TMEM161B: variants seen among roughly 807,000 people sequenced by gnomAD.
TMEM161B encodes transmembrane protein 161B.
A neutral mutation model predicts 61.8 loss-of-function variants in TMEM161B; 34 were observed. The ratio of observed to expected loss-of-function variants is 0.55; its 90% CI spans 0.42 to 0.73. TMEM161B has a LOEUF of 0.73. Among genes scored for constraint, TMEM161B ranks in the 30% least tolerant of loss-of-function variants. TMEM161B has a pLI of 0.00. For missense variants in TMEM161B, 456 were observed against 558.5 expected, an observed-to-expected ratio of 0.82 and a Z score of 1.85; for synonymous variants, 167 against 192.8, an observed-to-expected ratio of 0.87 and a Z score of 1.11.
At chr5:88,264,322 C>T (rs1756072817) in intron 1 of TMEM161B, among the ~76,000 whole-genome samples, 1 of 151,976 alleles carries the variant, frequency 6.6e-6, no homozygotes, top group Non-Finnish European at 1.5e-5. Flanking sequence ...GGCCAACAAA[C>T]ATGAAAAAAA....
downstream of TMEM161B, among the ~76,000 whole-genome samples, chr5:88,188,122 G>C (rs1017030556): frequency 2.0e-5 from 3 of 150,650 alleles, no homozygotes; most frequent in Non-Finnish European, 4.4e-5. Flanking sequence ...TTTTTTTTTG[G>C]AGACATGGTT....
chr5:88,217,658 A>C (rs192034944), intron 5 of TMEM161B, among the ~76,000 whole-genome samples: 1 of 152,200 alleles, frequency 6.6e-6, no homozygotes, highest in Non-Finnish European at 1.5e-5. Context: ...AACCAGTTCA[A>C]TCTGCCCACA....
chr5:88,208,439 G>A (rs1322912027), intron 5 of TMEM161B, among the ~76,000 whole-genome samples: 9 of 149,870 alleles, frequency 6.0e-5, no homozygotes, highest in Non-Finnish European at 1.0e-4. Flanking sequence ...CTGAGATCGC[G>A]CCACTGCACT....
At position 88,197,753 on chromosome 5, in the gene TMEM161B, AG is replaced by A; in HGVS notation, c.1101del (p.Tyr369IlefsTer15). 6.2e-7 allele frequency: 1 copy of A among 1,612,410 alleles called. No individual in the cohort carries two copies. The highest frequency in any genetic ancestry group is 2.2e-5 in the East Asian group (1 of 44,802). On this transcript the variant is annotated frameshift_variant, in exon 11 of 12. Transcript: ENST00000296595. LOFTEE classifies it high-confidence loss of function. ...AGTGCAATGACACAAAGATAATAAA[AG>A]ACTCGAGCCACCTGCAACCAACAAC... ...TVELQKMVAR[V>X]FYYLCVIALQ...
chr5:88,263,921 C>G (rs1561435677), intron 1 of TMEM161B, among the ~76,000 whole-genome samples: 1 of 152,182 alleles, frequency 6.6e-6, no homozygotes, highest in East Asian at 1.9e-4. Flanking sequence ...AAAATAAAGT[C>G]AGAGAACTGA....
intron 1 of TMEM161B, among the ~76,000 whole-genome samples, chr5:88,249,784 C>G (rs1379142931): frequency 1.3e-5 from 2 of 152,116 alleles, no homozygotes; most frequent in Admixed American, 6.6e-5. Context: ...TCTCAGACTT[C>G]CAGTCCTTTC....
chr5:88,237,915 T>C (rs1230286935), intron 2 of TMEM161B, among the ~76,000 whole-genome samples: 2 of 152,052 alleles, frequency 1.3e-5, no homozygotes, highest in Admixed American at 6.6e-5. Context: ...TTCAGGAAAA[T>C]GGCTTACTCA....
At chr5:88,204,357 A>C (rs1745035352) in intron 8 of TMEM161B, among the ~76,000 whole-genome samples, 1 of 152,204 alleles carries the variant, frequency 6.6e-6, no homozygotes, top group Non-Finnish European at 1.5e-5. Context: ...AAAAAATCTT[A>C]AAATGAAGCC....
intron 8 of TMEM161B, among the ~76,000 whole-genome samples, chr5:88,205,291 G>A (rs560483251): frequency 4.6e-5 from 7 of 152,208 alleles, no homozygotes; most frequent in Non-Finnish European, 8.8e-5. Context: ...ACATTGTAGA[G>A]TACTAACAAT....
chr5:88,240,971 T>C (rs1028924933), intron 1 of TMEM161B, 55 bp from the exon 2 acceptor site: 3 of 1,267,774 alleles, frequency 2.4e-6, no homozygotes, highest in East Asian at 2.6e-5. Flanking sequence ...TTTGGGGACA[T>C]TGCTGGAAAA....
exon 13 of TMEM161B, chr5:88,189,721 G>A (rs1436474076): frequency 5.0e-6 from 1 of 200,010 alleles, no homozygotes; most frequent in African/African-American, 2.3e-5. Flanking sequence ...GGAGTGCCTG[G>A]AAGTCCCCAC....
At chr5:88,268,425 C>G (rs1448579293) in intron 1 of TMEM161B, among the ~76,000 whole-genome samples, 1 of 152,188 alleles carries the variant, frequency 6.6e-6, no homozygotes, top group East Asian at 1.9e-4. Flanking sequence ...TCTGGGATCA[C>G]CTGGCGCCAC....
At chr5:88,225,487 A>T (rs1749899539) in intron 4 of TMEM161B, among the ~76,000 whole-genome samples, 1 of 152,202 alleles carries the variant, frequency 6.6e-6, no homozygotes, top group Non-Finnish European at 1.5e-5. Flanking sequence ...AGTAAAAGGA[A>T]GTCTAGAATT....
downstream of TMEM161B, chr5:88,190,262 C>T (rs1454689133): frequency 1.4e-6 from 1 of 700,724 alleles, no homozygotes; most frequent in East Asian, 2.7e-5. Context: ...TTGCATTATG[C>T]TGTCGGCAGG....
At chr5:88,236,118 A>G (rs1751806034) in intron 2 of TMEM161B, among the ~76,000 whole-genome samples, 1 of 152,180 alleles carries the variant, frequency 6.6e-6, no homozygotes, top group Admixed American at 6.6e-5. Flanking sequence ...AACAGGCAAA[A>G]AGAATTAGAG....
intron 9 of TMEM161B, 88 bp from the exon 10 acceptor site, chr5:88,199,238 TAAG>T: frequency 7.5e-7 from 1 of 1,331,226 alleles, no homozygotes; most frequent in Non-Finnish European, 1.0e-6. Context: ...ATATAAGATA[TAAG>T]AAGTCTATAC....
At chr5:88,244,966 AC>A (rs1753375909) in intron 1 of TMEM161B, among the ~76,000 whole-genome samples, 1 of 151,758 alleles carries the variant, frequency 6.6e-6, no homozygotes, top group Non-Finnish European at 1.5e-5. Context: ...TAGGAATGCT[AC>A]TGATTTTTAT....
Position 88,209,184 on chromosome 5 carries a change from AAGGAAG to A in TMEM161B, c.447-2010_447-2005del, listed in dbSNP as rs899495433. On this transcript the variant is annotated intron_variant, in intron 5 of 11. Coordinates refer to ENST00000296595, the MANE Select transcript of TMEM161B (RefSeq NM_153354.5). ...CCATCCATCTCTTTCTTGGCATTAT[AAGGAAG>A]AGCTTACATATTAGAAGAGGACAAA... Among the ~76,000 whole-genome samples, 627 of 152,272 alleles carry A rather than the reference AAGGAAG, an allele frequency of 4.1e-3. 10 individuals carry two copies. Among genetic ancestry groups the A allele is most frequent in the African/African-American group, 0.015 (603 of 41,536 alleles).
intron 1 of TMEM161B, among the ~76,000 whole-genome samples, chr5:88,242,136 C>T (rs529766046): frequency 6.6e-6 from 1 of 151,668 alleles, no homozygotes; most frequent in Non-Finnish European, 1.5e-5. Flanking sequence ...GTAATTTCCC[C>T]GTTCGACAGC....
Sources: allele counts gnomAD v4.1 joint callset (sites outside exome capture counted in the v4.1 genomes callset), GRCh38; gene constraint gnomAD v4.1.1; transcripts MANE v1.5; gene names NCBI Gene and HGNC (gene_info 2026-07-23, HGNC 2026-07-21).